DST: variants seen among roughly 807,000 people sequenced by gnomAD.
DST encodes dystonin, also known as bullous pemphigoid antigen.
Under a neutral mutation model 875.2 loss-of-function variants are expected in DST, and 253 were observed. That is an observed-to-expected ratio of 0.29 (90% confidence interval 0.26 to 0.32). DST has a LOEUF of 0.32. Among genes scored for constraint, DST ranks in the 10% least tolerant of loss-of-function variants. The pLI is 1.00. For synonymous variants in DST, 3,124 were observed against 3,197.1 expected, an observed-to-expected ratio of 0.98 and a Z score of 0.77; for missense variants, 8,287 against 9,111.6, an observed-to-expected ratio of 0.91 and a Z score of 3.68.
chr6:56,548,743 TCTAA>T (rs2097270905), intron 61 of DST, among the ~76,000 whole-genome samples: 1 of 152,188 alleles, frequency 6.6e-6, no homozygotes, highest in African/African-American at 2.4e-5. Flanking sequence ...AAAATGGTAC[TCTAA>T]CTTACCAACA....
Position 56,636,570 on chromosome 6 carries a change from G to A in DST, c.3047C>T (p.Thr1016Ile), listed in dbSNP as rs1270252749. Residue 1016 changes from threonine (T) to isoleucine (I), a missense_variant, in exon 23 of 104, where the codon ACA becomes ATA. Physicochemically the swap from Thr to Ile is moderately conservative, Grantham distance 89. Coordinates refer to ENST00000680361, the MANE Select transcript of DST (RefSeq NM_001374736.1). ...QCVEQHIKEN[T>I]AYFEFFNDAK... ...CTACTCACATACCTCGAAATACGCT[G>A]TGTTCTCCTTTATGTGCTGCTCCAC... The A allele has an allele frequency of 6.2e-7, 1 of 1,612,908 alleles. No homozygotes were observed. The highest frequency in any genetic ancestry group is 1.3e-5 in the African/African-American group (1 of 74,994).
intron 59 of DST, 88 bp from the exon 60 acceptor site, chr6:56,555,928 A>T (rs2097407377): frequency 7.8e-7 from 1 of 1,288,512 alleles, no homozygotes; most frequent in African/African-American, 1.5e-5. Flanking sequence ...CAGAAATGGT[A>T]ATTATTTCTC....
Position 56,578,957 on chromosome 6 carries a change from T to G in DST, c.12904-20A>C, listed in dbSNP as rs1351668505. ...CAAAGCCTGTAGGATTAAACGCTTTTCAATTATACTCAGCAGGACTAAATA... is the reference window on the plus strand; with the variant it reads ...CAAAGCCTGTAGGATTAAACGCTTTGCAATTATACTCAGCAGGACTAAATA... On this transcript the variant is annotated intron_variant, in intron 49 of 103. Transcript: ENST00000680361. 6 of 1,558,990 alleles carry G rather than the reference T, an allele frequency of 3.8e-6. No homozygotes were observed. Among genetic ancestry groups the G allele is most frequent in the Non-Finnish European group, 4.4e-6 (5 of 1,148,936 alleles).
chr6:56,742,919 G>C (rs1431939976), intron 4 of DST, among the ~76,000 whole-genome samples: 1 of 152,198 alleles, frequency 6.6e-6, no homozygotes, highest in Non-Finnish European at 1.5e-5. Context: ...CAATAATTCT[G>C]AGTTGGGTAG....
intron 5 of DST, among the ~76,000 whole-genome samples, chr6:56,722,368 GT>G (rs376637331): frequency 3.3e-5 from 5 of 150,708 alleles, no homozygotes; most frequent in African/African-American, 1.2e-4. Context: ...GTACATGTTT[GT>G]TTATTTATTT....
At chr6:56,774,312 C>G (rs2099673534) in intron 4 of DST, among the ~76,000 whole-genome samples, 1 of 151,992 alleles carries the variant, frequency 6.6e-6, no homozygotes, top group Non-Finnish European at 1.5e-5. Flanking sequence ...ACAGGCCTAT[C>G]CAACACTCTC....
Position 56,794,159 on chromosome 6 carries a change from C to T in DST, c.625+57238G>A, listed in dbSNP as rs141558245. On this transcript the variant is annotated intron_variant, in intron 4 of 103. Transcript: ENST00000680361. ...ACCAAAGAACACCAAGTATGAGTTA[C>T]TGCTACGCTTCTGCAGACATTATAC... is the stretch of plus-strand genomic sequence containing the variant. Among the ~76,000 whole-genome samples the T allele has an allele frequency of 2.5e-3, 388 of 152,336 alleles. 3 individuals are homozygous for T. Among genetic ancestry groups the T allele is most frequent in the African/African-American group, 8.8e-3 (367 of 41,576 alleles).
Position 56,598,519 on chromosome 6 carries a change from A to G in DST, c.11885T>C (p.Leu3962Pro). Residue 3962 changes from leucine (L) to proline (P), a missense_variant, in exon 46 of 104, where the codon CTG (leucine) becomes CCG (proline). By Grantham distance (98) the Leu-to-Pro change is moderately conservative (BLOSUM62 -3). This residue lies in a region of DST where 1,513 missense variants were observed against 1,677.8 expected (regional missense o/e 0.90). Transcript: ENST00000680361. ...NLKAEQSKKE[L>P]DKVVTTAIKE... ...GATTGCTGTTGTCACAACTTTATCC[A>G]GCTCCTTTTTAGACTGTTCTGCTTT... is the stretch of plus-strand genomic sequence containing the variant. 2 of 1,593,128 alleles carry G rather than the reference A, an allele frequency of 1.3e-6. No homozygotes were observed. The highest frequency in any genetic ancestry group is 1.2e-5 in the South Asian group (1 of 85,498).
chr6:56,808,665 T>C (rs2099756199), intron 4 of DST, among the ~76,000 whole-genome samples: 1 of 152,222 alleles, frequency 6.6e-6, no homozygotes, highest in Non-Finnish European at 1.5e-5. Flanking sequence ...CTATTTACTT[T>C]TTGCTATTCA....
chr6:56,713,690 G>A (rs1010721044), intron 5 of DST, among the ~76,000 whole-genome samples: 18 of 152,190 alleles, frequency 1.2e-4, no homozygotes, highest in African/African-American at 2.2e-4. Context: ...ACTTCCCGGT[G>A]TCCCTTTCAG....
intron 73 of DST, among the ~76,000 whole-genome samples, chr6:56,510,094 A>C (rs1353390487): frequency 6.6e-6 from 1 of 152,192 alleles, no homozygotes; most frequent in African/African-American, 2.4e-5. Flanking sequence ...TATGTACAAT[A>C]GACTTAGTTT....
intron 49 of DST, among the ~76,000 whole-genome samples, chr6:56,581,051 TAAAAAAAAAA>T (rs771314105): frequency 9.9e-5 from 9 of 90,696 alleles, no homozygotes; most frequent in Admixed American, 4.1e-4. Context: ...TGGCATTTAT[TAAAAAAAAAA>T]AAAAAAAAAA....
Position 56,603,880 on chromosome 6 carries a change from G to A in DST, c.10748C>T (p.Ser3583Leu). The change falls in exon 40 of 104, where the codon TCA (serine) becomes TTA (leucine). Residue 3583 changes from serine to leucine, a missense_variant. This residue lies in a region of DST where 3,138 missense variants were observed against 3,116.6 expected (regional missense o/e 1.01). Coordinates refer to ENST00000680361, the MANE Select transcript of DST (RefSeq NM_001374736.1). ...TCCAGAAGCCATCTCTTTAGACCCT[G>A]AAGTACATTCCAAATGGCTTGGGAA... ...NDFPSHLECTSGSKEMASGDS... is the reference protein window; with the variant it reads ...NDFPSHLECTLGSKEMASGDS... 6.2e-7 allele frequency: 1 copy of A among 1,611,744 alleles called. No individual in the cohort carries two copies.
At chr6:56,871,758 A>C in intron 3 of DST, 1 of 486,376 alleles carries the variant, frequency 2.1e-6, no homozygotes, top group Admixed American at 3.0e-5. Context: ...TCAGCGTTAA[A>C]ATAAATACAA....
At chr6:56,629,510 C>G in intron 31 of DST, 67 bp from the exon 32 acceptor site, 7 of 1,182,454 alleles carry the variant, frequency 5.9e-6, no homozygotes, top group Non-Finnish European at 8.6e-6. Context: ...ATATTATTTA[C>G]CTAATTTTAC....
At chr6:56,554,904 G>A (rs1007408259) in intron 60 of DST, among the ~76,000 whole-genome samples, 5 of 152,072 alleles carry the variant, frequency 3.3e-5, no homozygotes, top group African/African-American at 1.2e-4. Context: ...CAGTGAGAGA[G>A]GAAAATAGTG....
At chr6:56,795,195 C>A (rs1250484784) in intron 4 of DST, among the ~76,000 whole-genome samples, 1 of 151,654 alleles carries the variant, frequency 6.6e-6, no homozygotes, top group Non-Finnish European at 1.5e-5. Flanking sequence ...AACAGGAGTC[C>A]ATAAAAGCAG....
rs1048316391 is a variant in DST at position 56,809,582 on chromosome 6, T to A, written c.625+41815A>T. Among the ~76,000 whole-genome samples the A allele has an allele frequency of 7.2e-5, 11 of 152,212 alleles. No individual in the cohort carries two copies. In the East Asian group the frequency reaches 1.9e-3, roughly 27 times the overall value. On this transcript the variant is annotated intron_variant, in intron 4 of 103. Transcript: ENST00000680361. ...TCATAGTTCTACCTGAAAGAAAAAATGTAAAGCATTAAAATATTTAATAAA... is the reference window on the plus strand; with the variant it reads ...TCATAGTTCTACCTGAAAGAAAAAAAGTAAAGCATTAAAATATTTAATAAA...
chr6:56,574,858 T>A (rs1313944067), intron 50 of DST, among the ~76,000 whole-genome samples: 1 of 152,228 alleles, frequency 6.6e-6, no homozygotes, highest in Non-Finnish European at 1.5e-5. Context: ...TGCTTTAGTC[T>A]TATACATTGT....
Sources: allele counts gnomAD v4.1 joint callset (sites outside exome capture counted in the v4.1 genomes callset), GRCh38; gene constraint gnomAD v4.1.1; regional missense constraint gnomAD v4.1.1; transcripts MANE v1.5; gene names NCBI Gene and HGNC (gene_info 2026-07-23, HGNC 2026-07-21).